The following RGS22 variants were observed in gnomAD, a reference collection of about 807,000 sequenced individuals.
RGS22 encodes the protein regulator of G-protein signaling 22.
Under a neutral mutation model 172.9 loss-of-function variants are expected in RGS22, and 148 were observed. That is an observed-to-expected ratio of 0.86 (90% CI 0.75 to 0.98). The LOEUF is 0.98. RGS22 is among the 50% of genes least tolerant of loss of function. The pLI is 0.00. For synonymous variants in RGS22, 458 were observed against 480.2 expected, an observed-to-expected ratio of 0.95 and a Z score of 0.60; for missense variants, 1,347 against 1,440.8, an observed-to-expected ratio of 0.93 and a Z score of 1.05.
intron 15 of RGS22, among the ~76,000 whole-genome samples, chr8:100,006,788 C>T (rs1398471964): frequency 6.6e-6 from 1 of 152,162 alleles, no homozygotes; most frequent in Non-Finnish European, 1.5e-5. Context: ...AGTCCTCATA[C>T]TTCCAGAAGG....
intron 15 of RGS22, among the ~76,000 whole-genome samples, chr8:100,006,569 G>C (rs1815741812): frequency 6.6e-6 from 1 of 152,182 alleles, no homozygotes; most frequent in African/African-American, 2.4e-5. Flanking sequence ...AAACCTCATA[G>C]CAGGTCTCTG....
At chr8:100,058,463 A>C (rs977111763) in intron 9 of RGS22, among the ~76,000 whole-genome samples, 1 of 152,166 alleles carries the variant, frequency 6.6e-6, no homozygotes, top group African/African-American at 2.4e-5. Flanking sequence ...AGCAAGAAAA[A>C]TAAACAATAT....
rs1810988795 is a variant in RGS22, at chr8:100,071,644, TTGATGA to T, written c.426-113_426-108del. The T allele has an allele frequency of 4.2e-6, 3 of 707,518 alleles. No homozygotes were observed. The South Asian group carries it at 8.5e-5, about 20-fold the overall frequency. The allele number at this position is 707,518 out of a possible 1,614,324, so 43.8% of individuals were successfully genotyped here. ...TCAAGCCAATCTCCTCTCCTCACTC[TTGATGA>T]TGATTTTCTTTGGCTCTGCTAAAAT... On this transcript the variant is annotated intron_variant, in intron 5 of 27. Transcript: ENST00000360863.
rs559776496 is a variant in RGS22, at chr8:100,009,421, C to T, written c.2167-852G>A. Among the ~76,000 whole-genome samples the T allele has an allele frequency of 1.7e-3, 228 of 137,238 alleles. 2 individuals are homozygous for T. The highest frequency in any genetic ancestry group is 6.2e-3 in the African/African-American group (219 of 35,500). The allele number at this position is 137,238 out of a possible 152,430, so 90.0% of individuals were successfully genotyped here. A position where few individuals can be genotyped will look rare whatever the true frequency, so the allele number is the denominator to read the frequency against. ...GCCTGGGTGACAAAGTGAGACTCCA[C>T]CTCAAAAAAAAAAAAAAAAAAAAGA... On this transcript the variant is annotated intron_variant, in intron 14 of 27. Transcript: ENST00000360863.
At position 100,047,481 on chromosome 8, in the gene RGS22, T is replaced by C; in HGVS notation, c.1805A>G (p.Asp602Gly). The C allele has an allele frequency of 6.2e-7, 1 of 1,602,134 alleles. No homozygotes were observed. The highest frequency in any genetic ancestry group is 1.7e-4 in the Middle Eastern group (1 of 6,028). Residue 602 changes from aspartate (D) to glycine (G), a missense_variant, in exon 11 of 28, where the codon GAT becomes GGT. Physicochemically the swap from Asp to Gly is moderately conservative, Grantham distance 94 (BLOSUM62 -1). Transcript: ENST00000360863. ...CACCTACCCTTTCTCAATCACATCA[T>C]CCTTAGAAGAACCTGGATACAAAAG... ...RELLYPGSSK[D>G]DVIEKGSKYM... is the part of the protein sequence containing the mutation.
chr8:100,010,727 C>G (rs1816281610), intron 14 of RGS22, among the ~76,000 whole-genome samples: 1 of 151,944 alleles, frequency 6.6e-6, no homozygotes, highest in African/African-American at 2.4e-5. Flanking sequence ...ATTAAATTTT[C>G]CAAATCCCTA....
intron 12 of RGS22, among the ~76,000 whole-genome samples, chr8:100,041,130 G>A (rs1820057111): frequency 6.6e-6 from 1 of 152,132 alleles, no homozygotes; most frequent in Admixed American, 6.6e-5. Flanking sequence ...TTTTCATTTA[G>A]AACTAGTGCA....
chr8:99,977,823 T>A (rs1462496458), intron 23 of RGS22, 94 bp downstream of exon 23: 1 of 1,059,284 alleles, frequency 9.4e-7, no homozygotes, highest in East Asian at 2.9e-5. Flanking sequence ...CCATAACTTC[T>A]CTCTATATAT....
chr8:100,041,298 G>A (rs566957227), intron 12 of RGS22, among the ~76,000 whole-genome samples: 160 of 152,196 alleles, frequency 1.1e-3, no homozygotes, highest in Non-Finnish European at 1.8e-3. Flanking sequence ...AGACCAGTCT[G>A]GGCAACATGG....
At chr8:100,001,219 T>TATATATATATATAC (rs1402594104) in intron 18 of RGS22, among the ~76,000 whole-genome samples, 2 of 132,952 alleles carry the variant, frequency 1.5e-5, no homozygotes, top group Middle Eastern at 3.7e-3. Flanking sequence ...TATATATATA[T>TATATATATATATAC]ACATATATAT....
At chr8:100,086,768 C>A (rs1812195894) in intron 3 of RGS22, among the ~76,000 whole-genome samples, 1 of 152,090 alleles carries the variant, frequency 6.6e-6, no homozygotes, top group Non-Finnish European at 1.5e-5. Context: ...ATAACAAAAT[C>A]TCTGGGGAAG....
At chr8:99,977,374 C>T (rs1372522267) in intron 23 of RGS22, among the ~76,000 whole-genome samples, 3 of 150,142 alleles carry the variant, frequency 2.0e-5, no homozygotes, top group Non-Finnish European at 4.4e-5. Context: ...CCGCCCGTCT[C>T]GGCCTCCCAA....
intron 11 of RGS22, among the ~76,000 whole-genome samples, chr8:100,045,775 CT>C (rs1294147900): frequency 6.6e-6 from 1 of 151,102 alleles, no homozygotes; most frequent in African/African-American, 2.4e-5. Flanking sequence ...AATAATTCAA[CT>C]TTTCTCTCAA....
Position 100,002,344 on chromosome 8 carries a change from G to T in RGS22, c.2648C>A (p.Thr883Lys). 1 of 1,607,458 alleles carries T rather than the reference G, an allele frequency of 6.2e-7. No individual in the cohort carries two copies. The highest frequency in any genetic ancestry group is 8.5e-7 in the Non-Finnish European group (1 of 1,178,282). Residue 883 changes from threonine (T) to lysine (K), a missense_variant, in exon 18 of 28, where the codon ACA becomes AAA. Transcript: ENST00000360863. ...TATTCTCCGGAACTGCTCAATGTCT[G>T]TCCAGCACATAAGATCCATGCTAAA... is the stretch of plus-strand genomic sequence containing the variant. ...HSSSMDLMCW[T>K]DIEQFRRITY... is the part of the protein sequence containing the mutation.
At chr8:100,036,242 C>T (rs557139755) in intron 14 of RGS22, among the ~76,000 whole-genome samples, 9 of 152,010 alleles carry the variant, frequency 5.9e-5, no homozygotes, top group South Asian at 4.2e-4. Flanking sequence ...GGCAAGCTGT[C>T]GCTAGGGTCA....
At chr8:100,002,126 C>G in intron 18 of RGS22, 76 bp downstream of exon 18, 1 of 1,148,906 alleles carries the variant, frequency 8.7e-7, no homozygotes, top group Non-Finnish European at 1.2e-6. Context: ...AAGAGACTTT[C>G]AGGTTGTTGG....
At chr8:100,104,568 T>G (rs1813775058) in intron 2 of RGS22, among the ~76,000 whole-genome samples, 1 of 152,146 alleles carries the variant, frequency 6.6e-6, no homozygotes, top group South Asian at 2.1e-4. Flanking sequence ...GCTTAGCCCT[T>G]TCTTCTCTCT....
intron 10 of RGS22, 94 bp downstream of exon 10, chr8:100,052,708 A>C (rs1429545386): frequency 2.5e-6 from 3 of 1,179,632 alleles, no homozygotes; most frequent in Non-Finnish European, 3.6e-6. Flanking sequence ...AATCACAACA[A>C]AGCTTGTAAT....
At chr8:99,962,591 C>T in intron 26 of RGS22, 96 bp downstream of exon 26, 1 of 1,414,764 alleles carries the variant, frequency 7.1e-7, no homozygotes, top group South Asian at 1.3e-5. Context: ...TCGGTCCTCA[C>T]CCCTTCCTCC....
Sources: allele counts gnomAD v4.1 joint callset (sites outside exome capture counted in the v4.1 genomes callset), GRCh38; gene constraint gnomAD v4.1.1; transcripts MANE v1.5; gene names NCBI Gene and HGNC (gene_info 2026-07-23, HGNC 2026-07-21).